TPR: variants seen among roughly 807,000 people sequenced by gnomAD.
TPR encodes nucleoprotein TPR.
Under a neutral mutation model 316.1 loss-of-function variants are expected in TPR, and 51 were observed. That is an observed-to-expected ratio of 0.16 (90% CI 0.13 to 0.20). The LOEUF is 0.20. Ranked by LOEUF, TPR falls within the 10% of genes least tolerant of loss-of-function variation. The pLI is 1.00. For missense variants in TPR, 2,272 were observed against 2,754.8 expected (o/e 0.82, Z 3.92); for synonymous variants, 981 against 914.7 (o/e 1.07, Z -1.31).
intron 15 of TPR, 150 bp downstream of exon 15, chr1:186,356,136 T>C (rs1468022838): frequency 8.9e-6 from 6 of 675,716 alleles, no homozygotes; most frequent in African/African-American, 7.3e-5. Context: ...TAATGGTATG[T>C]TTTACAGTTG....
Position 186,360,750 on chromosome 1 carries a change from A to G in TPR, c.1099+15T>C. The G allele has an allele frequency of 6.2e-7, 1 of 1,611,820 alleles. No homozygotes were observed. Among genetic ancestry groups the G allele is most frequent in the Non-Finnish European group, 8.5e-7 (1 of 1,178,798 alleles). On this transcript the variant is annotated intron_variant, in intron 10 of 50. Transcript: ENST00000367478. ...GTAGTATTTCAACTCACTAACAAGC[A>G]TCTATTAGCCATACCTTTACGTTTT...
At chr1:186,369,154 T>C (rs1659442718) in intron 3 of TPR, among the ~76,000 whole-genome samples, 1 of 152,244 alleles carries the variant, frequency 6.6e-6, no homozygotes, top group African/African-American at 2.4e-5. Flanking sequence ...ACTATAGTTT[T>C]ATAACAGTTT....
chr1:186,335,831 T>G (rs1571612921), intron 33 of TPR, among the ~76,000 whole-genome samples: 2 of 152,248 alleles, frequency 1.3e-5, no homozygotes, highest in East Asian at 3.9e-4. Flanking sequence ...TTTCAATGTA[T>G]CATGCAATTC....
At chr1:186,360,197 G>A (rs1659142075) in intron 11 of TPR, 76 bp downstream of exon 11, 3 of 1,503,780 alleles carry the variant, frequency 2.0e-6, no homozygotes, top group Admixed American at 4.1e-5. Context: ...TAAGTTTTGG[G>A]AGAATTAAAT....
chr1:186,325,705 A>T, intron 42 of TPR, 59 bp downstream of exon 42: 1 of 1,378,184 alleles, frequency 7.3e-7, no homozygotes, highest in Non-Finnish European at 1.0e-6. Context: ...ATTAAGTGCA[A>T]TTCTAGTTTA....
At chr1:186,320,752 A>G (rs897787735) in intron 45 of TPR, among the ~76,000 whole-genome samples, 2 of 152,170 alleles carry the variant, frequency 1.3e-5, no homozygotes, top group Non-Finnish European at 2.9e-5. Context: ...AACATAACAA[A>G]AAGAGTTGTT....
rs1389853986 is a variant in TPR at position 186,336,467 on chromosome 1, C to T, written c.4705+29G>A. 5 of 1,609,602 alleles carry T rather than the reference C, an allele frequency of 3.1e-6. No individual in the cohort carries two copies. The African/African-American group carries it at 5.3e-5, about 17-fold the overall frequency. On this transcript the variant is annotated intron_variant, in intron 33 of 50. Transcript: ENST00000367478. ...TGCAACACATAATCAACTTTCACTACCAAGTTCAAACTTTAAACAGATATT... is the reference window on the plus strand; with the variant it reads ...TGCAACACATAATCAACTTTCACTATCAAGTTCAAACTTTAAACAGATATT...
Position 186,335,415 on chromosome 1 carries a change from G to A in TPR, c.4834C>T (p.Arg1612Cys). The A allele has an allele frequency of 1.2e-6, 2 of 1,613,744 alleles. No homozygotes were observed. Among genetic ancestry groups the A allele is most frequent in the East Asian group, 2.2e-5 (1 of 44,856 alleles). Residue 1612 changes from arginine to cysteine, a missense_variant, in exon 34 of 51, where the codon CGC becomes TGC. Arg to Cys is a radical substitution (Grantham distance 180). Transcript: ENST00000367478. ...LKSQYEGRIS[R>C]LERELREHQE... ...TGCTCCCTGAGTTCTCTTTCCAAGC[G>A]ACTAATTCGACCTTCATATTGGGAC...
At chr1:186,338,490 G>A (rs1019816880) in intron 30 of TPR, among the ~76,000 whole-genome samples, 2 of 152,064 alleles carry the variant, frequency 1.3e-5, no homozygotes, top group Non-Finnish European at 1.5e-5. Context: ...AGTAACATGC[G>A]CAATTTTACA....
chr1:186,340,591 C>T (rs533251518), intron 29 of TPR, among the ~76,000 whole-genome samples: 65 of 151,974 alleles, frequency 4.3e-4, no homozygotes, highest in South Asian at 2.1e-3. Context: ...ACCACCACGC[C>T]CAGCTAATTT....
At position 186,359,501 on chromosome 1, in the gene TPR, C is replaced by A. The variant is rs547542692; in HGVS notation, c.1389+298G>T. Among the ~76,000 whole-genome samples, 5 of 151,962 alleles carry A rather than the reference C, an allele frequency of 3.3e-5. No homozygotes were observed. The South Asian group carries it at 1.0e-3, about 32-fold the overall frequency. On this transcript the variant is annotated intron_variant, in intron 12 of 50. Coordinates refer to ENST00000367478, the MANE Select transcript of TPR (RefSeq NM_003292.3). ...ACAGAGATTATTTTAATTTGAAGAG[C>A]AGTTTTAGGAGATTTGGCTATTATT... is the stretch of plus-strand genomic sequence containing the variant.
chr1:186,365,990 C>A (rs1386690729), intron 4 of TPR, among the ~76,000 whole-genome samples: 4 of 152,184 alleles, frequency 2.6e-5, no homozygotes, highest in African/African-American at 9.7e-5. Flanking sequence ...ATATTGGTAA[C>A]AGACTATCTG....
intron 2 of TPR, among the ~76,000 whole-genome samples, chr1:186,372,974 T>G (rs1011728680): frequency 9.2e-5 from 14 of 152,236 alleles, no homozygotes; most frequent in African/African-American, 2.9e-4. Flanking sequence ...CACTCTCTAC[T>G]TCTTTAGTTG....
Position 186,361,802 on chromosome 1 carries a change from G to T in TPR, c.857C>A (p.Ser286Tyr). ...TGGGATATTTACCTTGTACAAATTA[G>T]AAAGTTTTATGTGGGCATTTAATTC... ...HNELNAHIKL[S>Y]NLYKSAADDS... is the part of the protein sequence containing the mutation. The change falls in exon 8 of 51, where the codon TCT becomes TAT. Residue 286 changes from serine (S) to tyrosine (Y), a missense_variant. Coordinates refer to ENST00000367478, the MANE Select transcript of TPR (RefSeq NM_003292.3). 2 of 1,613,046 alleles carry T rather than the reference G, an allele frequency of 1.2e-6. No individual in the cohort carries two copies. The highest frequency in any genetic ancestry group is 8.5e-7 in the Non-Finnish European group (1 of 1,179,288).
In TPR at chr1:186,351,990, G is replaced by A. The variant is rs1350450435; in HGVS notation, c.2455C>T (p.Leu819=). ...QRGQNLLLTN[L]QTIQGILERS... The stretch of plus-strand genomic sequence containing the variant: ...TATTTGGTTACCTGAATTGTTTGCA[G>A]ATTAGTTAGCAGTAAGTTTTGCCCC... The change falls in exon 19 of 51, where the codon CTG becomes TTG. Residue 819 remains leucine (L), a synonymous_variant. Coordinates refer to ENST00000367478, the MANE Select transcript of TPR (RefSeq NM_003292.3). 6.3e-7 allele frequency: 1 copy of A among 1,598,810 alleles called. No individual in the cohort carries two copies. The highest frequency in any genetic ancestry group is 2.3e-5 in the East Asian group (1 of 44,208).
At chr1:186,369,623 G>C (rs1454959330) in intron 3 of TPR, among the ~76,000 whole-genome samples, 2 of 151,796 alleles carry the variant, frequency 1.3e-5, no homozygotes, top group African/African-American at 4.8e-5. Context: ...TCACTTATTA[G>C]CTCTGACAGG....
chr1:186,369,187 C>T (rs1281285574), intron 3 of TPR, among the ~76,000 whole-genome samples: 1 of 152,024 alleles, frequency 6.6e-6, no homozygotes, highest in African/African-American at 2.4e-5. Context: ...AGTATGATGC[C>T]TCCAACTTTG....
chr1:186,354,307 A>C (rs1318497353), intron 17 of TPR, among the ~76,000 whole-genome samples: 3 of 152,220 alleles, frequency 2.0e-5, no homozygotes, highest in Non-Finnish European at 4.4e-5. Flanking sequence ...TTAAAAAATC[A>C]ATTATATTTA....
chr1:186,325,990 A>G, intron 41 of TPR, 114 bp downstream of exon 41: 1 of 1,561,080 alleles, frequency 6.4e-7, no homozygotes, highest in Non-Finnish European at 8.6e-7. Context: ...ACAAATGAAC[A>G]AAACAACCAA....
Sources: allele counts gnomAD v4.1 joint callset (sites outside exome capture counted in the v4.1 genomes callset), GRCh38; gene constraint gnomAD v4.1.1; transcripts MANE v1.5; gene names NCBI Gene and HGNC (gene_info 2026-07-23, HGNC 2026-07-21).